Variants in SLC11A2 observed in about 807,000 individuals in gnomAD.
SLC11A2 encodes the protein solute carrier family 11 member 2.
Under a neutral mutation model 68.0 loss-of-function variants are expected in SLC11A2, and 38 were observed. The ratio of observed to expected loss-of-function variants is 0.56; its 90% CI spans 0.43 to 0.73. The LOEUF is 0.73. Ranked by LOEUF, SLC11A2 falls within the 30% of genes least tolerant of loss-of-function variation. SLC11A2 has a pLI of 0.00. For synonymous variants in SLC11A2, 242 were observed against 250.6 expected (o/e 0.97, Z 0.32); for missense variants, 517 against 690.5 (o/e 0.75, Z 2.82).
the SLC11A2 span, among the ~76,000 whole-genome samples, chr12:50,965,842 T>C: frequency 6.6e-6 from 1 of 152,188 alleles, no homozygotes; most frequent in Non-Finnish European, 1.5e-5. Flanking sequence ...CTGTCGAACA[T>C]GGTCTTTCCT....
intron 3 of SLC11A2, chr12:51,008,219 TAGAC>T (rs1181488289): frequency 2.6e-5 from 7 of 266,232 alleles, no homozygotes; most frequent in African/African-American, 2.2e-4. Context: ...AAAGATTAGA[TAGAC>T]AGATAGATAG....
In SLC11A2 at chr12:51,009,984, C is replaced by T. The variant is rs183665919; in HGVS notation, c.34+711G>A. ...ACCACCTGAGGTCAGGAGTTCAAGA[C>T]CACCCTGACCAACATAGCAAAACCC... On this transcript the variant is annotated intron_variant, in intron 2 of 15. Coordinates refer to ENST00000262052, the MANE Select transcript of SLC11A2 (RefSeq NM_000617.3). 1.5e-3 allele frequency among the ~76,000 whole-genome samples: 230 copies of T among 151,212 alleles called. 3 individuals are homozygous for T. The Middle Eastern group carries it at 0.028, about 18-fold the overall frequency.
At chr12:51,019,455 G>C (rs975992551) in intron 1 of SLC11A2, among the ~76,000 whole-genome samples, 1 of 152,102 alleles carries the variant, frequency 6.6e-6, no homozygotes, top group African/African-American at 2.4e-5. Context: ...ATGACTGACA[G>C]TCAACAAAAC....
chr12:51,023,764 G>A (rs1944197499), intron 1 of SLC11A2, among the ~76,000 whole-genome samples: 1 of 152,132 alleles, frequency 6.6e-6, no homozygotes, highest in African/African-American at 2.4e-5. Context: ...AAACTGGTTG[G>A]GCACGGTGGC....
the SLC11A2 span, among the ~76,000 whole-genome samples, chr12:50,973,824 A>G: frequency 0.15 from 23,176 of 152,280 alleles, 1,949 homozygotes; most frequent in South Asian, 0.26. Flanking sequence ...ACCATGGCAC[A>G]AGAACTACGT....
the SLC11A2 span, among the ~76,000 whole-genome samples, chr12:50,956,913 T>G: frequency 2.0e-5 from 3 of 152,188 alleles, no homozygotes; most frequent in Admixed American, 6.5e-5. Flanking sequence ...GAGTTCTTTC[T>G]AGAAGGACTT....
intron 3 of SLC11A2, among the ~76,000 whole-genome samples, chr12:51,006,663 T>C (rs913376604): frequency 6.6e-6 from 1 of 152,182 alleles, no homozygotes; most frequent in Non-Finnish European, 1.5e-5. Context: ...TTCACCTACA[T>C]AATAAAAACC....
downstream of SLC11A2, chr12:50,980,589 G>A (rs1939968873): frequency 6.6e-6 from 1 of 152,184 alleles, no homozygotes; most frequent in Non-Finnish European, 1.5e-5. Flanking sequence ...ATCTATACAT[G>A]TAGGCAAGCA....
chr12:51,001,284 C>T (rs1205186546), intron 5 of SLC11A2, among the ~76,000 whole-genome samples: 3 of 151,664 alleles, frequency 2.0e-5, no homozygotes, highest in Non-Finnish European at 4.4e-5. Flanking sequence ...GCCTGGGCAA[C>T]ATGGCAAAAC....
At position 50,991,431 on chromosome 12, in the gene SLC11A2, T is replaced by C. The variant is rs1215041225; in HGVS notation, c.1421+168A>G. ...TATGAAAGACGTGCTTTCTCTTCCT[T>C]TACTATATTCACAGTTTCCATTCTC... On this transcript the variant is annotated intron_variant, in intron 14 of 15. Transcript: ENST00000262052. 3 of 652,750 alleles carry C rather than the reference T, an allele frequency of 4.6e-6. No homozygotes were observed. In the Admixed American group the frequency reaches 7.1e-5, roughly 15 times the overall value. 40.4% of individuals were successfully genotyped at this position (652,750 alleles called of 1,614,324 possible).
intron 14 of SLC11A2, 156 bp downstream of exon 14, chr12:50,991,443 C>A: frequency 2.9e-6 from 2 of 678,418 alleles, no homozygotes; most frequent in South Asian, 1.6e-5. Flanking sequence ...ACTATATTCA[C>A]AGTTTCCATT....
upstream of SLC11A2, chr12:51,028,240 T>G (rs1020151757): frequency 6.5e-7 from 1 of 1,534,102 alleles, no homozygotes; most frequent in Non-Finnish European, 8.7e-7. Context: ...CAGAACTAGT[T>G]TGACTTTCCC....
At chr12:50,964,419 T>C in the SLC11A2 span, among the ~76,000 whole-genome samples, 1 of 152,244 alleles carries the variant, frequency 6.6e-6, no homozygotes, top group African/African-American at 2.4e-5. Context: ...TAGTTTTCCA[T>C]TGTCTTTAAT....
downstream of SLC11A2, chr12:50,979,289 G>A (rs933904218): frequency 2.6e-5 from 4 of 152,234 alleles, no homozygotes; most frequent in African/African-American, 9.7e-5. Context: ...CAGGAGTTCT[G>A]TGACCTGAAC....
chr12:50,993,191 TAAAA>T (rs10529796), intron 11 of SLC11A2: 23,140 of 213,018 alleles, frequency 0.11, 6 homozygotes, highest in South Asian at 0.19. Context: ...TCTTAAATAT[TAAAA>T]AAAAAAAAAA....
chr12:51,027,917 T>TGGGG (rs3840801), upstream of SLC11A2, among the ~76,000 whole-genome samples: 2 of 18,308 alleles, frequency 1.1e-4, no homozygotes, highest in South Asian at 3.5e-3. Context: ...CAAAAAAAAG[T>TGGGG]GGGGGGGGGG....
intron 1 of SLC11A2, chr12:51,014,070 C>T (rs1010792646): frequency 1.4e-4 from 21 of 152,212 alleles, no homozygotes; most frequent in Non-Finnish European, 2.6e-4. Flanking sequence ...GATCCACCCA[C>T]CACGGCCTCC....
chr12:50,970,380 G>T, the SLC11A2 span: 18 of 844,226 alleles, frequency 2.1e-5, no homozygotes, highest in South Asian at 2.6e-4. Flanking sequence ...TACAACAAGT[G>T]GAAGAAATTC....
chr12:50,972,743 C>A, the SLC11A2 span, among the ~76,000 whole-genome samples: 2 of 152,236 alleles, frequency 1.3e-5, no homozygotes, highest in African/African-American at 2.4e-5. Flanking sequence ...CTTTCCTAGC[C>A]AAGGGAAGTG....
Sources: allele counts gnomAD v4.1 joint callset (sites outside exome capture counted in the v4.1 genomes callset), GRCh38; gene constraint gnomAD v4.1.1; transcripts MANE v1.5; gene names NCBI Gene and HGNC (gene_info 2026-07-23, HGNC 2026-07-21).